EPC2: variants seen among roughly 807,000 people sequenced by gnomAD.
EPC2 encodes enhancer of polycomb homolog 2.
EPC2 carries 14 observed loss-of-function variants against 92.1 expected under a neutral mutation model. That is an observed-to-expected ratio of 0.15 (90% CI 0.10 to 0.24). EPC2 has a LOEUF of 0.24. EPC2 is among the 10% of genes least tolerant of loss of function. The probability of loss-of-function intolerance (pLI) is 1.00; values close to 1 mark genes in which losing one functional copy is unlikely to be tolerated. For synonymous variants in EPC2, 340 were observed against 334.7 expected (o/e 1.02, Z -0.17); for missense variants, 755 against 971.5 (o/e 0.78, Z 2.96).
chr2:148,726,802 T>A (rs1230699123), intron 2 of EPC2, among the ~76,000 whole-genome samples: 1 of 150,804 alleles, frequency 6.6e-6, no homozygotes, highest in Non-Finnish European at 1.5e-5. Flanking sequence ...TTTTGAGTTT[T>A]AGGAGTTCTT....
At chr2:148,740,794 T>C (rs1277956473) in intron 2 of EPC2, among the ~76,000 whole-genome samples, 1 of 152,204 alleles carries the variant, frequency 6.6e-6, no homozygotes, top group African/African-American at 2.4e-5. Flanking sequence ...CCTAAATCTT[T>C]CTCTAAAATG....
chr2:148,725,652 A>G (rs1456627820), intron 2 of EPC2, among the ~76,000 whole-genome samples: 1 of 152,240 alleles, frequency 6.6e-6, no homozygotes, highest in East Asian at 1.9e-4. Context: ...TTTACTTACC[A>G]TGTCTCTTCA....
At chr2:148,679,534 T>C (rs796912868) in intron 1 of EPC2, among the ~76,000 whole-genome samples, 4 of 152,332 alleles carry the variant, frequency 2.6e-5, no homozygotes, top group African/African-American at 9.6e-5. Context: ...GTAAGAAAAG[T>C]ATAGGAGAAC....
At chr2:148,765,182 T>G in intron 7 of EPC2, 36 bp downstream of exon 7, 1 of 1,412,904 alleles carries the variant, frequency 7.1e-7, no homozygotes, top group South Asian at 1.5e-5. Context: ...ATATTTCTTC[T>G]TAGTATTTTA....
intron 1 of EPC2, among the ~76,000 whole-genome samples, chr2:148,673,773 A>G (rs764359505): frequency 1.3e-5 from 2 of 151,788 alleles, no homozygotes; most frequent in Non-Finnish European, 2.9e-5. Context: ...TTCAGTGGAG[A>G]TGGGGTTTTG....
At chr2:148,735,390 T>A (rs1044515191) in intron 2 of EPC2, among the ~76,000 whole-genome samples, 9 of 152,066 alleles carry the variant, frequency 5.9e-5, no homozygotes, top group Non-Finnish European at 1.5e-5. Context: ...CTCTTATCAA[T>A]CACAAAAGAG....
chr2:148,771,399 C>T lies in EPC2; in HGVS notation c.1720+12C>T. On this transcript the variant is annotated intron_variant, in intron 10 of 13. Transcript: ENST00000258484. ...GAATGGCATATCAGGTAAGCTGTTG[C>T]TGTGTTAAAAGTATATCCTGCTATT... 1.3e-6 allele frequency: 2 copies of T among 1,564,896 alleles called. No individual in the cohort carries two copies. Among genetic ancestry groups the T allele is most frequent in the South Asian group, 1.2e-5 (1 of 82,160 alleles).
chr2:148,783,864 C>T (rs763798975), intron 12 of EPC2, 108 bp downstream of exon 12: 14 of 1,090,314 alleles, frequency 1.3e-5, no homozygotes, highest in Non-Finnish European at 1.8e-5. Context: ...ATAAGTCAAT[C>T]AGGACTCTTT....
intron 10 of EPC2, among the ~76,000 whole-genome samples, chr2:148,775,800 T>C (rs1187341491): frequency 2.6e-5 from 3 of 114,264 alleles, no homozygotes; most frequent in Non-Finnish European, 3.6e-5. Flanking sequence ...TTTTTTGAGA[T>C]GGAGTCTCAC....
Position 148,783,763 on chromosome 2 carries a change from CTGGGGTTTCA to C in EPC2, c.2017+8_2017+17del. ...GGTGTTGTCCAGCCTTCAGGTACAGCTGGGGTTTCACATGGTACCTACTTTCTTGAAGTTG... is the reference window on the plus strand; with the variant it reads ...GGTGTTGTCCAGCCTTCAGGTACAGCCATGGTACCTACTTTCTTGAAGTTG... On this transcript the variant is annotated splice_region_variant and intron_variant, in intron 12 of 13. Transcript: ENST00000258484. The C allele has an allele frequency of 6.3e-7, 1 of 1,584,096 alleles. No individual in the cohort carries two copies. Among genetic ancestry groups the C allele is most frequent in the Middle Eastern group, 1.8e-4 (1 of 5,684 alleles).
chr2:148,667,336 C>CA (rs1477244901), intron 1 of EPC2, among the ~76,000 whole-genome samples: 2 of 152,212 alleles, frequency 1.3e-5, no homozygotes, highest in Non-Finnish European at 2.9e-5. Context: ...GGAACTAGCA[C>CA]ACTGTTATGT....
At chr2:148,712,867 T>C (rs1226533654) in intron 2 of EPC2, among the ~76,000 whole-genome samples, 1 of 151,968 alleles carries the variant, frequency 6.6e-6, no homozygotes, top group Non-Finnish European at 1.5e-5. Flanking sequence ...TGGGCAACAT[T>C]GTGAGATCCC....
intron 2 of EPC2, among the ~76,000 whole-genome samples, chr2:148,709,095 C>T (rs576478695): frequency 6.6e-6 from 1 of 152,228 alleles, no homozygotes; most frequent in South Asian, 2.1e-4. Flanking sequence ...TTTAGAAAAC[C>T]CCATTGTCTC....
intron 1 of EPC2, among the ~76,000 whole-genome samples, chr2:148,665,949 A>G (rs946313002): frequency 6.6e-6 from 1 of 152,242 alleles, no homozygotes; most frequent in Non-Finnish European, 1.5e-5. Flanking sequence ...AACATCAATA[A>G]TGCGACTGCT....
intron 2 of EPC2, among the ~76,000 whole-genome samples, chr2:148,738,915 G>C (rs1294102692): frequency 6.6e-6 from 1 of 152,172 alleles, no homozygotes; most frequent in Non-Finnish European, 1.5e-5. Context: ...CTCTAATGCT[G>C]GTTGGTCACT....
intron 1 of EPC2, among the ~76,000 whole-genome samples, chr2:148,648,850 G>C (rs1345000474): frequency 6.6e-6 from 1 of 152,204 alleles, no homozygotes; most frequent in African/African-American, 2.4e-5. Context: ...GTCATCCTGT[G>C]TAGCCTCTTC....
intron 2 of EPC2, among the ~76,000 whole-genome samples, chr2:148,733,622 C>T (rs372363261): frequency 5.3e-5 from 8 of 150,468 alleles, no homozygotes; most frequent in East Asian, 3.9e-4. Context: ...CTCAGCCTCC[C>T]GGGTAGCTGG....
In EPC2 at chr2:148,765,798, G is replaced by A. The variant is rs1327204872; in HGVS notation, c.1140+652G>A. Among the ~76,000 whole-genome samples, 3 of 152,300 alleles carry A rather than the reference G, an allele frequency of 2.0e-5. No individual in the cohort carries two copies. In the East Asian group the frequency reaches 5.8e-4, roughly 29 times the overall value. ...CACTCCTATAATCCCAGCACTTTGG[G>A]AGGCCGAGGCAGGCGGATCACAAGA... On this transcript the variant is annotated intron_variant, in intron 7 of 13. Transcript: ENST00000258484.
intron 2 of EPC2, among the ~76,000 whole-genome samples, chr2:148,739,670 G>A (rs1217313301): frequency 6.6e-6 from 1 of 152,038 alleles, no homozygotes; most frequent in South Asian, 2.1e-4. Context: ...TTTTGCCAGA[G>A]AGCAACCAAA....
Sources: allele counts gnomAD v4.1 joint callset (sites outside exome capture counted in the v4.1 genomes callset), GRCh38; gene constraint gnomAD v4.1.1; transcripts MANE v1.5; gene names NCBI Gene and HGNC (gene_info 2026-07-23, HGNC 2026-07-21).